The following CEP128 variants were observed in gnomAD, a reference collection of about 807,000 sequenced individuals.
The protein encoded by CEP128 is centrosomal protein 128.
Under a neutral mutation model 156.7 loss-of-function variants are expected in CEP128, and 132 were observed. The ratio of observed to expected loss-of-function variants is 0.84; its 90% confidence interval spans 0.73 to 0.97. The LOEUF (loss-of-function observed/expected upper bound fraction) is 0.97. CEP128 is among the 50% of genes least tolerant of loss of function. CEP128 has a pLI of 0.00. For missense variants in CEP128, 1,252 were observed against 1,281.9 expected, an observed-to-expected ratio of 0.98 and a Z score of 0.36; for synonymous variants, 469 against 448.9, an observed-to-expected ratio of 1.04 and a Z score of -0.57.
upstream of CEP128, among the ~76,000 whole-genome samples, chr14:80,946,209 G>A (rs569459361): frequency 3.8e-4 from 58 of 152,146 alleles, no homozygotes; most frequent in African/African-American, 1.3e-3. Context: ...TTATATGTAG[G>A]CTGACAAATA....
intron 6 of CEP128, among the ~76,000 whole-genome samples, chr14:80,902,282 A>G (rs1006267908): frequency 1.3e-5 from 2 of 152,228 alleles, no homozygotes; most frequent in Non-Finnish European, 2.9e-5. Context: ...TATCCCAATG[A>G]CAGAGACATT....
At chr14:80,886,699 C>T (rs1029048211) in intron 8 of CEP128, among the ~76,000 whole-genome samples, 1 of 152,126 alleles carries the variant, frequency 6.6e-6, no homozygotes, top group African/African-American at 2.4e-5. Flanking sequence ...AGACCATTGA[C>T]AATAGGAAGA....
At chr14:80,902,873 A>G (rs969012958) in intron 6 of CEP128, among the ~76,000 whole-genome samples, 2 of 152,188 alleles carry the variant, frequency 1.3e-5, no homozygotes, top group Non-Finnish European at 2.9e-5. Flanking sequence ...GCTGAACAAG[A>G]AAGGAAACAA....
chr14:80,477,314 C>A (rs1227638045), exon 15 of CEP128: 1 of 152,150 alleles, frequency 6.6e-6, no homozygotes, highest in East Asian at 1.9e-4. Flanking sequence ...TTTCTTTGGG[C>A]TTTTATAAGT....
At chr14:80,666,707 G>T (rs1441559980) in intron 19 of CEP128, among the ~76,000 whole-genome samples, 1 of 136,284 alleles carries the variant, frequency 7.3e-6, no homozygotes, top group Non-Finnish European at 1.5e-5. Context: ...ATATATTCAA[G>T]TAGGAAAAGA....
At chr14:80,545,386 T>C (rs1386366557) in intron 21 of CEP128, among the ~76,000 whole-genome samples, 1 of 152,216 alleles carries the variant, frequency 6.6e-6, no homozygotes, top group Non-Finnish European at 1.5e-5. Flanking sequence ...TTAATCAATA[T>C]ACCAGCAATT....
At chr14:80,785,622 C>T in intron 14 of CEP128, 77 bp from the exon 15 acceptor site, 1 of 1,042,980 alleles carries the variant, frequency 9.6e-7, no homozygotes, top group Admixed American at 3.2e-5. Context: ...TGCCAGTCAG[C>T]AAAACAATGT....
intron 21 of CEP128, among the ~76,000 whole-genome samples, chr14:80,546,295 T>C (rs967838499): frequency 2.0e-5 from 3 of 152,162 alleles, no homozygotes; most frequent in Non-Finnish European, 4.4e-5. Flanking sequence ...TCCTAGATGA[T>C]AGGAAACAGG....
intron 8 of CEP128, among the ~76,000 whole-genome samples, chr14:80,864,091 A>C (rs1044543479): frequency 6.6e-6 from 1 of 152,208 alleles, no homozygotes; most frequent in Non-Finnish European, 1.5e-5. Flanking sequence ...ATCAACTTCC[A>C]CTTAATGAAT....
intron 13 of CEP128, among the ~76,000 whole-genome samples, chr14:80,826,105 C>CAAAA (rs397700906): frequency 8.5e-4 from 60 of 70,350 alleles, no homozygotes; most frequent in East Asian, 3.9e-3. Flanking sequence ...GATTCTGTCT[C>CAAAA]AAAAAAAAAA....
At chr14:80,617,738 C>T (rs1265062890) in intron 19 of CEP128, among the ~76,000 whole-genome samples, 4 of 151,566 alleles carry the variant, frequency 2.6e-5, no homozygotes, top group Admixed American at 2.0e-4. Flanking sequence ...GCCCAGGAGT[C>T]GGAGACCAGC....
At chr14:80,612,461 CCAGAT>C (rs1169823441) in intron 19 of CEP128, among the ~76,000 whole-genome samples, 5 of 152,104 alleles carry the variant, frequency 3.3e-5, no homozygotes, top group Non-Finnish European at 7.4e-5. Context: ...TTAGATCTTA[CCAGAT>C]CAGAACATTA....
intron 19 of CEP128, among the ~76,000 whole-genome samples, chr14:80,597,875 A>G (rs1188897152): frequency 1.4e-5 from 2 of 146,382 alleles, no homozygotes; most frequent in African/African-American, 5.1e-5. Context: ...AATAACAAGT[A>G]TTTGACAAAA....
intron 19 of CEP128, among the ~76,000 whole-genome samples, chr14:80,587,523 GATT>G (rs896951890): frequency 1.3e-5 from 2 of 152,128 alleles, no homozygotes; most frequent in African/African-American, 4.8e-5. Flanking sequence ...CAACCTTAGA[GATT>G]TAAAACCACT....
intron 19 of CEP128, among the ~76,000 whole-genome samples, chr14:80,732,598 C>T (rs563000048): frequency 3.0e-4 from 45 of 150,264 alleles, no homozygotes; most frequent in African/African-American, 1.1e-3. Flanking sequence ...AACACAAAAC[C>T]GAAATCGGTG....
At chr14:80,922,749 A>G (rs1033522508) in intron 2 of CEP128, among the ~76,000 whole-genome samples, 4 of 152,182 alleles carry the variant, frequency 2.6e-5, no homozygotes, top group Admixed American at 6.5e-5. Context: ...TAGATAAGAA[A>G]TTTACCCTCA....
At chr14:80,617,218 T>C (rs112612226) in intron 19 of CEP128, among the ~76,000 whole-genome samples, 6,583 of 99,816 alleles carry the variant, frequency 0.066, 637 homozygotes, top group South Asian at 0.17. Flanking sequence ...GTGAATATCA[T>C]CTTTTTTTTT....
At chr14:80,896,447 T>C (rs576916654) in intron 7 of CEP128, among the ~76,000 whole-genome samples, 1 of 152,340 alleles carries the variant, frequency 6.6e-6, no homozygotes, top group African/African-American at 2.4e-5. Flanking sequence ...GCCTTCATCA[T>C]GTTCAACTCG....
chr14:80,728,468 T>C lies in CEP128; in HGVS notation c.2806+14607A>G, dbSNP rs1056230705. On this transcript the variant is annotated intron_variant, in intron 19 of 24. Coordinates refer to ENST00000555265, the MANE Select transcript of CEP128 (RefSeq NM_152446.5). Reference sequence around the variant, plus strand: ...TGTATACTAAACCCCAGTGGCACGCTATTTAGTCATATAACAAATCTGCAC... The same window carrying C: ...TGTATACTAAACCCCAGTGGCACGCCATTTAGTCATATAACAAATCTGCAC... Among the ~76,000 whole-genome samples the C allele has an allele frequency of 7.9e-5, 12 of 152,044 alleles. No homozygotes were observed. The South Asian group carries it at 1.7e-3, about 21-fold the overall frequency.
Sources: allele counts gnomAD v4.1 joint callset (sites outside exome capture counted in the v4.1 genomes callset), GRCh38; gene constraint gnomAD v4.1.1; transcripts MANE v1.5; gene names NCBI Gene and HGNC (gene_info 2026-07-23, HGNC 2026-07-21).